The following PTBP3 variants were observed in gnomAD, a reference collection of about 807,000 sequenced individuals.
PTBP3 encodes polypyrimidine tract binding protein 3.
In PTBP3, 20 loss-of-function variants were observed where a neutral mutation model predicts 58.7. The observed-to-expected ratio is 0.34, with a 90% confidence interval of 0.24 to 0.50. PTBP3 has a LOEUF of 0.50. PTBP3 is among the 20% of genes least tolerant of loss of function. The pLI is 0.98. For synonymous variants in PTBP3, 185 were observed against 219.8 expected (o/e 0.84, Z 1.40); for missense variants, 509 against 637.2 (o/e 0.80, Z 2.17).
chr9:112,372,128 A>G, the PTBP3 span, among the ~76,000 whole-genome samples: 6 of 151,986 alleles, frequency 3.9e-5, no homozygotes, highest in African/African-American at 7.3e-5. Flanking sequence ...GCTGGAGTGT[A>G]GTGGTGCAAT....
chr9:112,349,198 T>C, the PTBP3 span, among the ~76,000 whole-genome samples: 100 of 152,152 alleles, frequency 6.6e-4, 1 homozygote, highest in African/African-American at 2.1e-3. Context: ...ATAAAAACTC[T>C]TGAACAATCA....
At chr9:112,224,783 G>A (rs1834920275) in intron 12 of PTBP3, among the ~76,000 whole-genome samples, 1 of 152,168 alleles carries the variant, frequency 6.6e-6, no homozygotes, top group Admixed American at 6.5e-5. Context: ...TTGAAGCTGA[G>A]AGACATTGTG....
At chr9:112,303,399 A>G (rs1355001426) in intron 1 of PTBP3, among the ~76,000 whole-genome samples, 1 of 152,238 alleles carries the variant, frequency 6.6e-6, no homozygotes, top group Non-Finnish European at 1.5e-5. Flanking sequence ...ATAATTATCA[A>G]TAACATAATT....
Position 112,220,842 on chromosome 9 carries a change from C to T in PTBP3, c.*3009G>A. On this transcript the variant is annotated 3_prime_UTR_variant, in exon 14 of 14. Coordinates refer to ENST00000374257, the MANE Select transcript of PTBP3 (RefSeq NM_001163788.4). ...ATACTTTGTGTAGAAGTCAAGACACCTTGAAAAGTGATGACAATACTCCTT... is the reference window on the plus strand; with the variant it reads ...ATACTTTGTGTAGAAGTCAAGACACTTTGAAAAGTGATGACAATACTCCTT... The T allele has an allele frequency of 1.0e-6, 1 of 969,570 alleles. No homozygotes were observed. The highest frequency in any genetic ancestry group is 1.8e-5 in the African/African-American group (1 of 56,886). The allele number at this position is 969,570 out of a possible 1,614,324, so 60.1% of individuals were successfully genotyped here.
chr9:112,348,671 C>T, the PTBP3 span, among the ~76,000 whole-genome samples: 3 of 152,342 alleles, frequency 2.0e-5, no homozygotes, highest in African/African-American at 7.2e-5. Context: ...TCTCAAGTAC[C>T]CGGCTTGGCC....
At chr9:112,234,707 A>G in intron 8 of PTBP3, 113 bp downstream of exon 8, 2 of 988,346 alleles carry the variant, frequency 2.0e-6, no homozygotes, top group Admixed American at 2.2e-5. Flanking sequence ...GCTGATATGC[A>G]TAATGCTTTA....
In PTBP3 at chr9:112,251,114, T is replaced by A. The variant is rs1346474125; in HGVS notation, c.628-11A>T. 6.5e-7 allele frequency: 1 copy of A among 1,538,972 alleles called. No homozygotes were observed. The highest frequency in any genetic ancestry group is 1.3e-5 in the South Asian group (1 of 78,792). On this transcript the variant is annotated splice_polypyrimidine_tract_variant and intron_variant, in intron 6 of 13. Coordinates refer to ENST00000374257, the MANE Select transcript of PTBP3 (RefSeq NM_001163788.4). ...CTGGCCATCCAGAGCCTAAAGCATG[T>A]AAGAAAGGGACTGGTTTTGGCAAGA...
At chr9:112,264,647 C>G (rs145544754) in intron 4 of PTBP3, among the ~76,000 whole-genome samples, 2 of 152,070 alleles carry the variant, frequency 1.3e-5, no homozygotes, top group East Asian at 1.9e-4. Context: ...GCAAGTTGGA[C>G]GTTAGGTTTG....
At chr9:112,232,040 A>AGAAAGAAAG in intron 9 of PTBP3, 59 bp downstream of exon 9, 83 of 1,390,674 alleles carry the variant, frequency 6.0e-5, no homozygotes, top group Admixed American at 4.1e-4. Flanking sequence ...AAAGAAAGAA[A>AGAAAGAAAG]AAAGTGCTAC....
chr9:112,265,275 G>T (rs1023167514), intron 4 of PTBP3, among the ~76,000 whole-genome samples: 1 of 152,058 alleles, frequency 6.6e-6, no homozygotes, highest in South Asian at 2.1e-4. Flanking sequence ...GACAGAGGCG[G>T]GTGGATCACC....
intron 1 of PTBP3, among the ~76,000 whole-genome samples, chr9:112,305,735 T>C (rs1270209644): frequency 1.3e-5 from 2 of 152,060 alleles, no homozygotes; most frequent in Non-Finnish European, 2.9e-5. Context: ...GGTCAGGAGA[T>C]AGAGACCACC....
the PTBP3 span, among the ~76,000 whole-genome samples, chr9:112,360,437 T>C: frequency 6.6e-6 from 1 of 152,198 alleles, no homozygotes; most frequent in South Asian, 2.1e-4. Context: ...CCTCCCACCT[T>C]GGCTTCCTAA....
intron 1 of PTBP3, among the ~76,000 whole-genome samples, chr9:112,317,177 A>G (rs1403773556): frequency 1.3e-5 from 2 of 152,030 alleles, no homozygotes; most frequent in Admixed American, 6.6e-5. Flanking sequence ...CCCAGGAGGC[A>G]GAGGTTGCAG....
chr9:112,311,317 C>T (rs570147927), intron 1 of PTBP3, among the ~76,000 whole-genome samples: 1 of 152,026 alleles, frequency 6.6e-6, no homozygotes, highest in Non-Finnish European at 1.5e-5. Context: ...CATGTACAGA[C>T]TTTTTTTGTC....
intron 2 of PTBP3, among the ~76,000 whole-genome samples, chr9:112,294,466 C>T (rs927901976): frequency 2.0e-5 from 3 of 152,092 alleles, no homozygotes; most frequent in Admixed American, 2.0e-4. Context: ...TGCAGTGAGC[C>T]GTGTTTGTGC....
At chr9:112,324,039 A>T (rs1830053244) in intron 1 of PTBP3, among the ~76,000 whole-genome samples, 1 of 152,140 alleles carries the variant, frequency 6.6e-6, no homozygotes, top group South Asian at 2.1e-4. Flanking sequence ...GTACCTATGG[A>T]GGTACAGGGA....
chr9:112,291,323 C>G (rs1239856418), intron 2 of PTBP3, among the ~76,000 whole-genome samples: 6 of 151,264 alleles, frequency 4.0e-5, no homozygotes, highest in Non-Finnish European at 8.8e-5. Context: ...AGGATCAATG[C>G]AATCCTTATC....
At chr9:112,240,559 G>A (rs921861120) in intron 7 of PTBP3, among the ~76,000 whole-genome samples, 1 of 151,160 alleles carries the variant, frequency 6.6e-6, no homozygotes, top group Non-Finnish European at 1.5e-5. Context: ...AAAGAATTAT[G>A]TTATTGGTTT....
intron 1 of PTBP3, among the ~76,000 whole-genome samples, chr9:112,326,980 G>A (rs939899126): frequency 6.6e-6 from 1 of 152,176 alleles, no homozygotes; most frequent in Non-Finnish European, 1.5e-5. Context: ...CACTTTAGGA[G>A]GCTGAGGCAG....
Sources: gnomAD v4.1 joint callset for allele counts (sites outside exome capture counted in the v4.1 genomes callset) on GRCh38, gnomAD v4.1.1 for gene constraint, MANE v1.5 for transcripts, NCBI Gene and HGNC (gene_info 2026-07-23, HGNC 2026-07-21) for gene names.